Variants in PITPNC1 observed in about 807,000 individuals in gnomAD.
The protein encoded by PITPNC1 is cytoplasmic phosphatidylinositol transfer protein 1.
A neutral mutation model predicts 44.7 loss-of-function variants in PITPNC1; 18 were observed. The observed-to-expected ratio is 0.40, with a 90% CI of 0.28 to 0.60. The LOEUF is 0.60. PITPNC1 is among the 20% of genes least tolerant of loss of function. PITPNC1 has a pLI of 0.39. For synonymous variants in PITPNC1, 141 were observed against 149.6 expected (o/e 0.94, Z 0.42); for missense variants, 290 against 418.4 (o/e 0.69, Z 2.68).
At chr17:67,386,196 CTTTA>C (rs781725334) in intron 1 of PITPNC1, among the ~76,000 whole-genome samples, 15 of 152,088 alleles carry the variant, frequency 9.9e-5, no homozygotes, top group Admixed American at 5.9e-4. Flanking sequence ...AATTAATATA[CTTTA>C]TTTATTTTGA....
chr17:67,608,739 A>G (rs2041648711), intron 5 of PITPNC1, among the ~76,000 whole-genome samples: 2 of 149,990 alleles, frequency 1.3e-5, no homozygotes, highest in African/African-American at 4.9e-5. Flanking sequence ...CCTGGGCTCA[A>G]GTGATGTGCC....
At chr17:67,583,551 G>T (rs2041263492) in intron 5 of PITPNC1, among the ~76,000 whole-genome samples, 1 of 144,346 alleles carries the variant, frequency 6.9e-6, no homozygotes, top group Non-Finnish European at 1.5e-5. Context: ...TCACACCACT[G>T]CACTCCAGCA....
At chr17:67,528,070 C>T (rs2040413135) in intron 1 of PITPNC1, among the ~76,000 whole-genome samples, 1 of 152,164 alleles carries the variant, frequency 6.6e-6, no homozygotes. Context: ...GAGACAAAGG[C>T]TCCCTCTGTA....
rs774276608 is a variant in PITPNC1, at chr17:67,508,223, G to A, written c.49-24579G>A. Among the ~76,000 whole-genome samples the A allele has an allele frequency of 5.9e-5, 9 of 152,152 alleles. No homozygotes were observed. The highest frequency in any genetic ancestry group is 1.2e-4 in the Non-Finnish European group (8 of 68,018). ...TCTCAAGGAAGAAAGAATTCAGGTCGAGTCTACAAAGTGAAAGCAAGTTTA... is the reference window on the plus strand; with the variant it reads ...TCTCAAGGAAGAAAGAATTCAGGTCAAGTCTACAAAGTGAAAGCAAGTTTA... On this transcript the variant is annotated intron_variant, in intron 1 of 8. Coordinates refer to ENST00000581322, the MANE Select transcript of PITPNC1 (RefSeq NM_012417.4). This position sits in a 1 kb window ranked among gnomAD's most constrained non-coding sequence, Gnocchi z 4.2.
intron 1 of PITPNC1, among the ~76,000 whole-genome samples, chr17:67,443,211 C>T (rs2143928269): frequency 6.6e-6 from 1 of 152,218 alleles, no homozygotes; most frequent in East Asian, 1.9e-4. Context: ...TGCCAGACTG[C>T]ACCTTTGTCC....
intron 1 of PITPNC1, among the ~76,000 whole-genome samples, chr17:67,386,654 G>A (rs1358722725): frequency 2.0e-5 from 3 of 152,208 alleles, no homozygotes; most frequent in African/African-American, 7.2e-5. Flanking sequence ...TTCAGAAGCA[G>A]TAATTACTGG....
chr17:67,471,581 C>A, intron 1 of PITPNC1: 1 of 369,758 alleles, frequency 2.7e-6, no homozygotes. Context: ...TAAATCTTCC[C>A]TCTCTCTGGA....
At chr17:67,525,133 AT>A (rs1338398755) in intron 1 of PITPNC1, 2 of 152,184 alleles carry the variant, frequency 1.3e-5, no homozygotes, top group Non-Finnish European at 2.9e-5. Flanking sequence ...ATGAAAGAAA[AT>A]TTAAAATTCA....
At chr17:67,455,585 AGTTTTTTTT>A (rs1464678475) in intron 1 of PITPNC1, among the ~76,000 whole-genome samples, 1 of 148,390 alleles carries the variant, frequency 6.7e-6, no homozygotes, top group East Asian at 2.1e-4. Flanking sequence ...ATGCCCAGCT[AGTTTTTTTT>A]GTTTTTTTTT....
intron 1 of PITPNC1, among the ~76,000 whole-genome samples, chr17:67,511,342 G>T (rs2040182247): frequency 6.6e-6 from 1 of 152,108 alleles, no homozygotes; most frequent in South Asian, 2.1e-4. Flanking sequence ...ATTGCAAAAG[G>T]GTTTCTCTAG....
At chr17:67,567,711 A>G (rs2040999250) in intron 4 of PITPNC1, among the ~76,000 whole-genome samples, 1 of 152,062 alleles carries the variant, frequency 6.6e-6, no homozygotes, top group African/African-American at 2.4e-5. Context: ...GCAGTGGCTC[A>G]CACCTGTAAT....
intron 1 of PITPNC1, among the ~76,000 whole-genome samples, chr17:67,495,143 G>A (rs1280485309): frequency 7.6e-6 from 1 of 131,856 alleles, no homozygotes; most frequent in Non-Finnish European, 1.6e-5. Context: ...TGCAAGCTCC[G>A]CCTCCCGGGT....
At chr17:67,666,679 C>G (rs758699858) in intron 6 of PITPNC1, among the ~76,000 whole-genome samples, 49 of 152,136 alleles carry the variant, frequency 3.2e-4, no homozygotes, top group Non-Finnish European at 2.2e-4. Flanking sequence ...GGAGGGCAAG[C>G]ATTCACCCGC....
Position 67,578,263 on chromosome 17 carries a change from T to C in PITPNC1, c.366+6T>C. On this transcript the variant is annotated splice_donor_region_variant and intron_variant, in intron 5 of 8. Coordinates refer to ENST00000581322, the MANE Select transcript of PITPNC1 (RefSeq NM_012417.4). ...ACAAAGGAAGCAATGACACCGTGAG[T>C]AGCCCCTCCTTCCATGCTGCGCTCG... is the stretch of plus-strand genomic sequence containing the variant. 6.3e-7 allele frequency: 1 copy of C among 1,595,958 alleles called. No individual in the cohort carries two copies. Among genetic ancestry groups the C allele is most frequent in the Non-Finnish European group, 8.6e-7 (1 of 1,164,924 alleles).
chr17:67,656,896 T>C (rs1295127002), intron 6 of PITPNC1, among the ~76,000 whole-genome samples: 1 of 152,226 alleles, frequency 6.6e-6, no homozygotes, highest in East Asian at 1.9e-4. Context: ...ATTCTAGAAA[T>C]ACAAAACAGA....
At chr17:67,507,058 G>A (rs1459909685) in intron 1 of PITPNC1, among the ~76,000 whole-genome samples, 1 of 152,120 alleles carries the variant, frequency 6.6e-6, no homozygotes, top group African/African-American at 2.4e-5. Flanking sequence ...CCACTCGTTA[G>A]GATTGCCAGG....
intron 1 of PITPNC1, among the ~76,000 whole-genome samples, chr17:67,472,904 C>A (rs1340699238): frequency 6.6e-6 from 1 of 150,644 alleles, no homozygotes; most frequent in Non-Finnish European, 1.5e-5. Context: ...TTGACGGAGT[C>A]TTGCTCTGTA....
intron 1 of PITPNC1, among the ~76,000 whole-genome samples, chr17:67,532,358 A>C (rs942232613): frequency 3.3e-5 from 5 of 152,202 alleles, no homozygotes; most frequent in Admixed American, 3.3e-4. Flanking sequence ...AGGATAGAAG[A>C]AATAGATGAT....
chr17:67,517,742 G>T (rs1343876786), intron 1 of PITPNC1, among the ~76,000 whole-genome samples: 3 of 152,148 alleles, frequency 2.0e-5, no homozygotes, highest in African/African-American at 7.2e-5. Context: ...GTGGTTGCTG[G>T]GACTGGGAGG....
Sources: gnomAD v4.1 joint callset for allele counts (sites outside exome capture counted in the v4.1 genomes callset) on GRCh38, gnomAD v4.1.1 for gene constraint, Gnocchi (gnomAD v3.1) non-coding constraint, MANE v1.5 for transcripts, NCBI Gene and HGNC (gene_info 2026-07-23, HGNC 2026-07-21) for gene names.